IL16: variants seen among roughly 807,000 people sequenced by gnomAD.
IL16 encodes the protein pro-interleukin-16.
A neutral mutation model predicts 110.1 loss-of-function variants in IL16; 67 were observed. That is an observed-to-expected ratio of 0.61 (90% CI 0.50 to 0.75). The LOEUF is 0.75. IL16 is among the 30% of genes least tolerant of loss of function. The probability of loss-of-function intolerance (pLI) is 0.00; values close to 1 mark genes in which losing one functional copy is unlikely to be tolerated. For synonymous variants in IL16, 689 were observed against 662.9 expected (o/e 1.04, Z -0.61); for missense variants, 1,545 against 1,655.0 (o/e 0.93, Z 1.15).
chr15:81,265,922 G>A, intron 4 of IL16, 121 bp downstream of exon 4: 1 of 888,716 alleles, frequency 1.1e-6, no homozygotes, highest in East Asian at 2.7e-5. Context: ...AACTACAGAG[G>A]AGAGGGTCTC....
chr15:81,258,644 G>A (rs1898032605), intron 2 of IL16, among the ~76,000 whole-genome samples: 3 of 151,090 alleles, frequency 2.0e-5, no homozygotes, highest in Admixed American at 2.0e-4. Flanking sequence ...AGGCTGCAGT[G>A]AGCCGAGATC....
At chr15:81,228,087 G>A (rs754884850) in intron 2 of IL16, among the ~76,000 whole-genome samples, 2 of 152,068 alleles carry the variant, frequency 1.3e-5, no homozygotes, top group Non-Finnish European at 2.9e-5. Context: ...AATTCCAGGC[G>A]AAGGGACATG....
chr15:81,302,192 T>C (rs2141620397), intron 15 of IL16: 1 of 152,328 alleles, frequency 6.6e-6, no homozygotes, highest in East Asian at 1.9e-4. Flanking sequence ...GATAAGGAGG[T>C]TCTCGTTTTC....
chr15:81,269,504 C>A, intron 4 of IL16, 34 bp from the exon 5 acceptor site: 1 of 1,454,150 alleles, frequency 6.9e-7, no homozygotes, highest in Non-Finnish European at 9.7e-7. Flanking sequence ...TCCTATGTGG[C>A]TAATCTTCTG....
intron 13 of IL16, chr15:81,299,179 C>A (rs1403145243): frequency 3.7e-6 from 3 of 802,198 alleles, no homozygotes; most frequent in Non-Finnish European, 6.4e-6. Context: ...GAGATTAACT[C>A]CTACTTCTGG....
At chr15:81,187,438 A>G (rs936760601) in intron 1 of IL16, among the ~76,000 whole-genome samples, 2 of 152,184 alleles carry the variant, frequency 1.3e-5, no homozygotes, top group African/African-American at 4.8e-5. Context: ...CTCTAAAAAA[A>G]TTAAAAATTT....
At chr15:81,232,053 T>TTG (rs1555415638) in intron 2 of IL16, among the ~76,000 whole-genome samples, 12 of 121,196 alleles carry the variant, frequency 9.9e-5, no homozygotes, top group African/African-American at 2.9e-4. Context: ...TTTTTTTTTT[T>TTG]TTTTTTTTTT....
At chr15:81,286,660 G>T (rs1489476043) in intron 10 of IL16, among the ~76,000 whole-genome samples, 1 of 152,198 alleles carries the variant, frequency 6.6e-6, no homozygotes, top group African/African-American at 2.4e-5. Context: ...GTAGAAGACA[G>T]GATAGAGTGG....
At chr15:81,267,373 A>G (rs1898427997) in intron 4 of IL16, among the ~76,000 whole-genome samples, 1 of 152,026 alleles carries the variant, frequency 6.6e-6, no homozygotes, top group Middle Eastern at 3.4e-3. Flanking sequence ...CCTCTACTCA[A>G]CTCCTCAAAG....
chr15:81,197,151 A>G lies in IL16; in HGVS notation c.-103A>G. ...GTGCATAGGGAGGTAGGTGGGCACC[A>G]GGTGAGTGAATGTCTGTCAGGCAGC... is the stretch of plus-strand genomic sequence containing the variant. On this transcript the variant is annotated splice_region_variant and 5_prime_UTR_variant, in exon 1 of 19. Coordinates refer to ENST00000683961, the MANE Select transcript of IL16 (RefSeq NM_172217.5). 1 of 1,287,674 alleles carries G rather than the reference A, an allele frequency of 7.8e-7. No individual in the cohort carries two copies. The highest frequency in any genetic ancestry group is 1.0e-6 in the Non-Finnish European group (1 of 987,898). The allele number at this position is 1,287,674 out of a possible 1,614,324, so 79.8% of individuals were successfully genotyped here.
chr15:81,269,680 TG>T, intron 5 of IL16, 32 bp downstream of exon 5: 1 of 1,487,068 alleles, frequency 6.7e-7, no homozygotes, highest in Non-Finnish European at 9.4e-7. Flanking sequence ...CAGGAAGTCC[TG>T]GGGGGCAGCA....
At chr15:81,282,503 AACG>A in intron 8 of IL16, 133 bp from the exon 9 acceptor site, 1 of 707,998 alleles carries the variant, frequency 1.4e-6, no homozygotes, top group South Asian at 1.6e-5. Context: ...GCCTGCACAC[AACG>A]ACTACTCTGT....
At position 81,225,612 on chromosome 15, in the gene IL16, C is replaced by A; in HGVS notation, c.213C>A (p.Pro71=). 1 of 1,614,050 alleles carries A rather than the reference C, an allele frequency of 6.2e-7. No individual in the cohort carries two copies. ...TGGCAGACACATCGGAGGCTGGGCC[C>A]AGCAGTGTTCCTGATCTAGCACTGG... ...VQLADTSEAG[P]SSVPDLALAS... The change falls in exon 2 of 19, where the codon CCC becomes CCA. Residue 71 remains proline (P), a synonymous_variant. Coordinates refer to ENST00000683961, the MANE Select transcript of IL16 (RefSeq NM_172217.5).
intron 2 of IL16, among the ~76,000 whole-genome samples, chr15:81,227,867 G>A (rs1896839764): frequency 6.6e-6 from 1 of 152,132 alleles, no homozygotes; most frequent in Non-Finnish European, 1.5e-5. Flanking sequence ...TGTAGCATGT[G>A]AGAGAATGAG....
intron 3 of IL16, among the ~76,000 whole-genome samples, chr15:81,263,181 C>T (rs906069023): frequency 6.6e-6 from 1 of 152,048 alleles, no homozygotes; most frequent in African/African-American, 2.4e-5. Flanking sequence ...CAAATTGTCC[C>T]CCTCATGAAA....
intron 1 of IL16, among the ~76,000 whole-genome samples, chr15:81,210,664 G>A (rs189560418): frequency 6.6e-6 from 1 of 152,304 alleles, no homozygotes; most frequent in African/African-American, 2.4e-5. Context: ...TTGGTGTATA[G>A]AAATGCTACT....
intron 2 of IL16, among the ~76,000 whole-genome samples, chr15:81,237,703 G>T (rs936786267): frequency 6.6e-6 from 1 of 151,868 alleles, no homozygotes; most frequent in Non-Finnish European, 1.5e-5. Flanking sequence ...TATTATACCT[G>T]TTTGTATATC....
At position 81,303,434 on chromosome 15, in the gene IL16, T is replaced by C; in HGVS notation, c.3319-115T>C. 1 of 700,932 alleles carries C rather than the reference T, an allele frequency of 1.4e-6. No individual in the cohort carries two copies. Among genetic ancestry groups the C allele is most frequent in the South Asian group, 1.7e-5 (1 of 58,710 alleles). The allele number at this position is 700,932 out of a possible 1,614,324, so 43.4% of individuals were successfully genotyped here. On this transcript the variant is annotated intron_variant, in intron 15 of 18. Coordinates refer to ENST00000683961, the MANE Select transcript of IL16 (RefSeq NM_172217.5). This position sits in a 1 kb window ranked among gnomAD's most constrained non-coding sequence, Gnocchi z 4.1. ...TGAGGTTTGAGGAGGTGATGTAACT[T>C]GGAGGCTGGCCAAGCTGGGGTTTGA...
intron 1 of IL16, among the ~76,000 whole-genome samples, chr15:81,222,825 G>A (rs192207522): frequency 6.6e-6 from 1 of 151,922 alleles, no homozygotes; most frequent in East Asian, 1.9e-4. Flanking sequence ...GAACTCCTAA[G>A]GAAGTGATCA....
Sources: gnomAD v4.1 joint callset for allele counts (sites outside exome capture counted in the v4.1 genomes callset) on GRCh38, gnomAD v4.1.1 for gene constraint, Gnocchi (gnomAD v3.1) non-coding constraint, MANE v1.5 for transcripts, NCBI Gene and HGNC (gene_info 2026-07-23, HGNC 2026-07-21) for gene names.